Variants in QTGAL observed in about 807,000 individuals in gnomAD.
QTGAL encodes queuosine-tRNA galactosyltransferase.
chr17:82,985,487 T>TG, the QTGAL span, among the ~76,000 whole-genome samples: 1,223 of 152,348 alleles, frequency 8.0e-3, 9 homozygotes, highest in African/African-American at 0.026. Flanking sequence ...TTATTTGTTA[T>TG]GACTGGGTCT....
At chr17:83,026,868 G>T in the QTGAL span, among the ~76,000 whole-genome samples, 1 of 113,398 alleles carries the variant, frequency 8.8e-6, no homozygotes, top group Non-Finnish European at 1.8e-5. Context: ...ACAGAGCGGG[G>T]CAGGAAGCCT....
chr17:83,044,773 G>C, the QTGAL span, among the ~76,000 whole-genome samples: 21 of 152,118 alleles, frequency 1.4e-4, no homozygotes, highest in Non-Finnish European at 1.5e-5. Context: ...GCGAAACCCC[G>C]TCTCTACTAG....
the QTGAL span, among the ~76,000 whole-genome samples, chr17:82,962,014 TC>T: frequency 6.6e-6 from 1 of 152,122 alleles, no homozygotes; most frequent in African/African-American, 2.4e-5. Flanking sequence ...TCTGGTCTCC[TC>T]GTGGTTCTCT....
At chr17:82,973,711 C>A in the QTGAL span, among the ~76,000 whole-genome samples, 1 of 152,138 alleles carries the variant, frequency 6.6e-6, no homozygotes, top group Non-Finnish European at 1.5e-5. Context: ...AAGTTACCTG[C>A]GTGTAGTTGT....
chr17:82,960,857 G>A, the QTGAL span, among the ~76,000 whole-genome samples: 1 of 152,254 alleles, frequency 6.6e-6, no homozygotes, highest in Non-Finnish European at 1.5e-5. Flanking sequence ...TGGCGCCCTT[G>A]GGAAATGCCC....
At chr17:83,043,254 C>T in the QTGAL span, among the ~76,000 whole-genome samples, 8 of 152,220 alleles carry the variant, frequency 5.3e-5, no homozygotes, top group African/African-American at 1.9e-4. Flanking sequence ...TTCTCCAGGA[C>T]AGGTGACACG....
At chr17:82,970,801 T>C in the QTGAL span, among the ~76,000 whole-genome samples, 7,833 of 152,248 alleles carry the variant, frequency 0.051, 199 homozygotes, top group Non-Finnish European at 0.062. Flanking sequence ...AGACTTGGTA[T>C]AGGAAAAAGA....
chr17:82,968,416 C>T, the QTGAL span, among the ~76,000 whole-genome samples: 1,006 of 83,592 alleles, frequency 0.012, 3 homozygotes, highest in African/African-American at 0.013. Flanking sequence ...CCAGTGTGCA[C>T]GGTGCACAGA....
chr17:82,972,164 C>T, the QTGAL span, among the ~76,000 whole-genome samples: 167 of 14,370 alleles, frequency 0.012, no homozygotes, highest in African/African-American at 0.023. Flanking sequence ...CACCACACCA[C>T]GGGCCAGAAG....
the QTGAL span, among the ~76,000 whole-genome samples, chr17:82,955,918 T>A: frequency 6.6e-6 from 1 of 151,416 alleles, no homozygotes; most frequent in Admixed American, 6.6e-5. Context: ...AAACACCGCA[T>A]GTTCTCACTC....
chr17:82,955,315 C>T, the QTGAL span, among the ~76,000 whole-genome samples: 5 of 152,200 alleles, frequency 3.3e-5, no homozygotes, highest in Non-Finnish European at 5.9e-5. Flanking sequence ...CATGAACAGA[C>T]ACTTCTCAAA....
the QTGAL span, among the ~76,000 whole-genome samples, chr17:83,025,642 CCGCGGAGAG>C: frequency 2.1e-5 from 3 of 145,064 alleles, no homozygotes; most frequent in South Asian, 4.4e-4. Context: ...CACACGGACA[CCGCGGAGAG>C]TCCACACACG....
chr17:82,951,598 C>T, the QTGAL span, among the ~76,000 whole-genome samples: 1 of 152,208 alleles, frequency 6.6e-6, no homozygotes, highest in African/African-American at 2.4e-5. Flanking sequence ...ACTTGGCTAA[C>T]CGTTAGGCTG....
chr17:82,997,349 G>T, the QTGAL span, among the ~76,000 whole-genome samples: 1 of 152,132 alleles, frequency 6.6e-6, no homozygotes, highest in Non-Finnish European at 1.5e-5. Flanking sequence ...TCTCATTCCA[G>T]TTAAAATGGC....
chr17:82,996,254 T>C, the QTGAL span, among the ~76,000 whole-genome samples: 1 of 152,220 alleles, frequency 6.6e-6, no homozygotes, highest in Admixed American at 6.5e-5. Flanking sequence ...CTGGGTGCAG[T>C]GGCTCATGCC....
the QTGAL span, among the ~76,000 whole-genome samples, chr17:83,019,106 C>T: frequency 3.3e-5 from 5 of 152,130 alleles, no homozygotes; most frequent in Non-Finnish European, 5.9e-5. Flanking sequence ...CCACCCGGCC[C>T]CTTGGGCTCC....
the QTGAL span, among the ~76,000 whole-genome samples, chr17:83,031,663 C>A: frequency 6.6e-6 from 1 of 152,230 alleles, no homozygotes; most frequent in African/African-American, 2.4e-5. Context: ...GCAGGTGTCA[C>A]GTGACGAGAA....
chr17:82,983,978 G>A, the QTGAL span, among the ~76,000 whole-genome samples: 2 of 147,762 alleles, frequency 1.4e-5, no homozygotes, highest in African/African-American at 4.9e-5. Context: ...CAGAAGAGAG[G>A]CCATATGATC....
chr17:82,963,385 G>A, the QTGAL span, among the ~76,000 whole-genome samples: 2 of 152,296 alleles, frequency 1.3e-5, no homozygotes, highest in Admixed American at 6.5e-5. Flanking sequence ...GGGACAGAAG[G>A]GGGAGAGCTC....
Sources: gnomAD v4.1 joint callset for allele counts (sites outside exome capture counted in the v4.1 genomes callset) on GRCh38, gnomAD v4.1.1 for gene constraint, MANE v1.5 for transcripts, NCBI Gene and HGNC (gene_info 2026-07-23, HGNC 2026-07-21) for gene names.